The following KIAA1217 variants were observed in gnomAD, a reference collection of about 807,000 sequenced individuals.
KIAA1217 encodes the protein sickle tail protein homolog.
KIAA1217 carries 88 observed loss-of-function variants against 163.9 expected under a neutral mutation model. The observed-to-expected ratio is 0.54, with a 90% CI of 0.45 to 0.64. KIAA1217 has a LOEUF of 0.64. Ranked by LOEUF, KIAA1217 falls within the 30% of genes least tolerant of loss-of-function variation. The pLI is 0.00. For missense variants in KIAA1217, 2,372 were observed against 2,475.0 expected (o/e 0.96, Z 0.88); for synonymous variants, 903 against 923.1 (o/e 0.98, Z 0.39).
At chr10:24,427,129 A>G (rs1013813358) in intron 3 of KIAA1217, among the ~76,000 whole-genome samples, 2 of 152,108 alleles carry the variant, frequency 1.3e-5, no homozygotes, top group Non-Finnish European at 2.9e-5. Context: ...CAGGCTTCTC[A>G]GGGGGACACT....
intron 1 of KIAA1217, among the ~76,000 whole-genome samples, chr10:23,820,709 A>G (rs1019665719): frequency 1.3e-5 from 2 of 152,186 alleles, no homozygotes; most frequent in Non-Finnish European, 2.9e-5. Flanking sequence ...GGTGGGGCTA[A>G]AGAGAGTGGG....
At chr10:24,124,442 C>T (rs911684704) in intron 2 of KIAA1217, among the ~76,000 whole-genome samples, 7 of 151,604 alleles carry the variant, frequency 4.6e-5, no homozygotes, top group South Asian at 2.1e-4. Context: ...ATTTCTTTTT[C>T]TCTTATTGAT....
intron 2 of KIAA1217, among the ~76,000 whole-genome samples, chr10:24,230,274 G>A (rs952147988): frequency 2.0e-5 from 3 of 151,990 alleles, no homozygotes; most frequent in Non-Finnish European, 2.9e-5. Flanking sequence ...ATTTTTTTGG[G>A]GGGTGGATTT....
chr10:24,390,711 C>T (rs577588758), intron 3 of KIAA1217, among the ~76,000 whole-genome samples: 5 of 152,116 alleles, frequency 3.3e-5, no homozygotes, highest in Admixed American at 1.3e-4. Context: ...TTTTAAAAAC[C>T]GAGTCAATCT....
intron 2 of KIAA1217, among the ~76,000 whole-genome samples, chr10:24,196,239 C>T (rs970331905): frequency 2.0e-5 from 3 of 152,092 alleles, no homozygotes; most frequent in African/African-American, 7.2e-5. Flanking sequence ...ATTAATTAGG[C>T]ATCCTGTGTT....
chr10:24,099,894 C>A (rs1410880569), intron 2 of KIAA1217, among the ~76,000 whole-genome samples: 2 of 151,828 alleles, frequency 1.3e-5, no homozygotes, highest in Admixed American at 1.3e-4. Context: ...CTAGTTTTGC[C>A]ACTGCAGAGA....
intron 3 of KIAA1217, among the ~76,000 whole-genome samples, chr10:24,399,299 A>G (rs943043367): frequency 1.3e-5 from 2 of 152,178 alleles, no homozygotes; most frequent in African/African-American, 4.8e-5. Flanking sequence ...TTACATCATA[A>G]TGGTTAAAAT....
At chr10:23,699,527 T>C (rs75761436) in intron 1 of KIAA1217, among the ~76,000 whole-genome samples, 8,748 of 152,296 alleles carry the variant, frequency 0.057, 706 homozygotes, top group African/African-American at 0.18. Context: ...GCATGTGGAC[T>C]CTGGAAGGAG....
At chr10:24,124,562 G>A (rs1329601231) in intron 2 of KIAA1217, among the ~76,000 whole-genome samples, 1 of 152,056 alleles carries the variant, frequency 6.6e-6, no homozygotes, top group Non-Finnish European at 1.5e-5. Context: ...ATTAAGTATG[G>A]TATTCTCTTA....
At chr10:24,401,153 A>C (rs551591009) in intron 3 of KIAA1217, among the ~76,000 whole-genome samples, 1 of 151,876 alleles carries the variant, frequency 6.6e-6, no homozygotes, top group Non-Finnish European at 1.5e-5. Context: ...TAATAGCTTC[A>C]AAATCCAAGG....
intron 2 of KIAA1217, among the ~76,000 whole-genome samples, chr10:24,025,587 A>G (rs111906584): frequency 0.019 from 2,916 of 151,860 alleles, 88 homozygotes; most frequent in African/African-American, 0.066. Context: ...ATGAATCTAC[A>G]GATGAATTGG....
chr10:24,465,581 G>T (rs540614634), intron 5 of KIAA1217, among the ~76,000 whole-genome samples: 9 of 152,332 alleles, frequency 5.9e-5, no homozygotes, highest in African/African-American at 2.2e-4. Flanking sequence ...TTCCCACTTG[G>T]ATAGCTTTCG....
At chr10:24,140,299 G>T (rs987702486) in intron 2 of KIAA1217, among the ~76,000 whole-genome samples, 3 of 150,864 alleles carry the variant, frequency 2.0e-5, no homozygotes, top group Non-Finnish European at 2.9e-5. Flanking sequence ...GGCGGAGGTT[G>T]CAGTGAGCCG....
intron 3 of KIAA1217, among the ~76,000 whole-genome samples, chr10:24,395,416 G>A (rs956340541): frequency 1.3e-5 from 2 of 152,144 alleles, no homozygotes; most frequent in Non-Finnish European, 1.5e-5. Flanking sequence ...CCACACCAGT[G>A]TCCTGCCCTT....
Position 23,919,881 on chromosome 10 carries a change from T to G in KIAA1217, c.-320-87344T>G, listed in dbSNP as rs142866575. 1.1e-3 allele frequency among the ~76,000 whole-genome samples: 160 copies of G among 152,268 alleles called. 1 individual carries two copies. The highest frequency in any genetic ancestry group is 3.7e-3 in the African/African-American group (154 of 41,558). On this transcript the variant is annotated intron_variant, in intron 1 of 18. Coordinates refer to the KIAA1217 transcript ENST00000376462. ...CCTTTCTCCTTGGCCACCTAGTTCC[T>G]TCCTTCCTGACCTTCTCCAGGACAC...
rs755318277 is a variant in KIAA1217, at chr10:24,520,208, G to T, written c.2263G>T (p.Ala755Ser). The stretch of plus-strand genomic sequence containing the variant: ...TACTCTGAAAGACGTGGAAGACGGG[G>T]CTTTCCTCCTGCGTCAAGTGGGAGA... ...LVTLKDVEDGAFLLRQVGEAV... is the reference protein window; with the variant it reads ...LVTLKDVEDGSFLLRQVGEAV... Residue 755 changes from alanine to serine, a missense_variant, in exon 11 of 21, where the codon GCT becomes TCT. Physicochemically the swap from Ala to Ser is moderately conservative, Grantham distance 99 (BLOSUM62 1). Around this residue, in one of 3 missense-constraint regions of KIAA1217, gnomAD observed 1,431 missense variants for 1,470.3 expected, o/e 0.97. Transcript: ENST00000376454. The T allele has an allele frequency of 1.6e-4, 261 of 1,614,034 alleles. No individual in the cohort carries two copies. Among genetic ancestry groups the T allele is most frequent in the Non-Finnish European group, 2.1e-4 (251 of 1,180,028 alleles).
chr10:24,510,177 C>A (rs997182135), intron 9 of KIAA1217, among the ~76,000 whole-genome samples: 5 of 152,152 alleles, frequency 3.3e-5, no homozygotes, highest in African/African-American at 1.2e-4. Flanking sequence ...TTCAGAAGAC[C>A]TGGTTCTAAT....
intron 2 of KIAA1217, among the ~76,000 whole-genome samples, chr10:24,063,634 G>A (rs1457774385): frequency 1.3e-5 from 2 of 152,110 alleles, no homozygotes; most frequent in African/African-American, 2.4e-5. Context: ...CTCTTTTTTG[G>A]TTCCATATGA....
At chr10:24,405,601 G>GA (rs2057122344) in intron 3 of KIAA1217, among the ~76,000 whole-genome samples, 2 of 152,200 alleles carry the variant, frequency 1.3e-5, no homozygotes, top group African/African-American at 4.8e-5. Flanking sequence ...TTAAAAGGCA[G>GA]AATGGTATCT....
Sources: gnomAD v4.1 joint callset for allele counts (sites outside exome capture counted in the v4.1 genomes callset) on GRCh38, gnomAD v4.1.1 for gene constraint, gnomAD v4.1.1 regional missense constraint, MANE v1.5 for transcripts, NCBI Gene and HGNC (gene_info 2026-07-23, HGNC 2026-07-21) for gene names.